Variants in COX4I2 observed in about 807,000 individuals in gnomAD.
The protein encoded by COX4I2 is cytochrome c oxidase subunit 4I2.
Under a neutral mutation model 20.8 loss-of-function variants are expected in COX4I2, and 15 were observed. The observed-to-expected ratio is 0.72, with a 90% confidence interval of 0.48 to 1.11. COX4I2 has a LOEUF of 1.11. Ranked by LOEUF, COX4I2 falls within the 50% of genes most tolerant of loss-of-function variation. COX4I2 has a pLI of 0.00. For missense variants in COX4I2, 224 were observed against 223.0 expected, an observed-to-expected ratio of 1.00 and a Z score of -0.03; for synonymous variants, 80 against 78.1, an observed-to-expected ratio of 1.02 and a Z score of -0.13.
At chr20:31,644,020 A>G (rs1407311655) in intron 4 of COX4I2, among the ~76,000 whole-genome samples, 2 of 152,178 alleles carry the variant, frequency 1.3e-5, no homozygotes, top group African/African-American at 4.8e-5. Context: ...CATGTTGGCC[A>G]GGCTGGTCTC....
At chr20:31,644,301 G>A (rs1325537203) in intron 4 of COX4I2, among the ~76,000 whole-genome samples, 2 of 152,134 alleles carry the variant, frequency 1.3e-5, no homozygotes, top group Non-Finnish European at 2.9e-5. Flanking sequence ...AACAGCTTTG[G>A]AAATACTCAG....
In COX4I2 at chr20:31,644,995, T is replaced by C; in HGVS notation, c.*91T>C. The C allele has an allele frequency of 6.8e-7, 1 of 1,468,026 alleles. No individual in the cohort carries two copies. Among genetic ancestry groups the C allele is most frequent in the South Asian group, 1.2e-5 (1 of 82,038 alleles). The allele number at this position is 1,468,026 out of a possible 1,614,324, so 90.9% of individuals were successfully genotyped here. A position where few individuals can be genotyped will look rare whatever the true frequency, so the allele number is the denominator to read the frequency against. ...CCCCTGCCCTTAACCCCAGTAAAGC[T>C]CCAAAAAAAAATTTATTCTCTTCTG... On this transcript the variant is annotated 3_prime_UTR_variant, in exon 5 of 5. Transcript: ENST00000376075.
chr20:31,638,793 A>C (rs976582885), intron 1 of COX4I2, among the ~76,000 whole-genome samples: 2 of 152,082 alleles, frequency 1.3e-5, no homozygotes, highest in African/African-American at 4.8e-5. Flanking sequence ...CAGATGGTGA[A>C]TTGAGGTCCC....
chr20:31,637,951 C>G lies in COX4I2; in HGVS notation c.-12C>G, dbSNP rs1040809834. 1.3e-5 allele frequency: 2 copies of G among 152,170 alleles called. No homozygotes were observed. Among genetic ancestry groups the G allele is most frequent in the East Asian group, 3.9e-4 (2 of 5,174 alleles). 9.4% of individuals were successfully genotyped at this position (152,170 alleles called of 1,614,324 possible). ...CAGACCCAGGTCGCGCTCCCACTGC[C>G]GAGCCCGCGAGGTGAGTGAGTTGGG... On this transcript the variant is annotated 5_prime_UTR_variant, in exon 1 of 5. Coordinates refer to ENST00000376075, the MANE Select transcript of COX4I2 (RefSeq NM_032609.3).
In COX4I2 at chr20:31,644,843, T is replaced by A. The variant is rs753093267; in HGVS notation, c.455T>A (p.Val152Glu). 2.0e-5 allele frequency: 32 copies of A among 1,613,820 alleles called. No homozygotes were observed. In the East Asian group the frequency reaches 6.5e-4, roughly 33 times the overall value. ...QQLQRMLDMK[V>E]NPVQGLASRW... is the part of the protein sequence containing the mutation. ...CTGCAGCGCATGCTGGACATGAAGGTGAATCCTGTGCAGGGCCTGGCCTCC... is the reference window on the plus strand; with the variant it reads ...CTGCAGCGCATGCTGGACATGAAGGAGAATCCTGTGCAGGGCCTGGCCTCC... Residue 152 changes from valine to glutamate, a missense_variant, in exon 5 of 5, where the codon GTG (valine) becomes GAG (glutamate). By Grantham distance (121) the Val-to-Glu change is moderately radical. Coordinates refer to ENST00000376075, the MANE Select transcript of COX4I2 (RefSeq NM_032609.3).
Position 31,644,782 on chromosome 20 carries a change from C to T in COX4I2, c.394C>T (p.Pro132Ser). 6.2e-7 allele frequency: 1 copy of T among 1,614,082 alleles called. No homozygotes were observed. The highest frequency in any genetic ancestry group is 8.5e-7 in the Non-Finnish European group (1 of 1,179,998). The change falls in exon 5 of 5, where the codon CCG (proline) becomes TCG (serine). Residue 132 changes from proline (P) to serine (S), a missense_variant. By Grantham distance (74) the Pro-to-Ser change is moderately conservative. Transcript: ENST00000376075. The stretch of plus-strand genomic sequence containing the variant: ...ACTCCCTGCAGTATTTCCTCCAAAG[C>T]CGATCACCTTGACGGACGAGCGGAA... The part of the protein sequence containing the change: ...WQRVYVFPPK[P>S]ITLTDERKAQ...
chr20:31,644,020 A>T (rs1407311655), intron 4 of COX4I2, among the ~76,000 whole-genome samples: 1 of 152,178 alleles, frequency 6.6e-6, no homozygotes, highest in East Asian at 1.9e-4. Flanking sequence ...CATGTTGGCC[A>T]GGCTGGTCTC....
At chr20:31,643,572 C>T (rs1324269524) in intron 4 of COX4I2, 37 bp downstream of exon 4, 1 of 1,613,160 alleles carries the variant, frequency 6.2e-7, no homozygotes, top group South Asian at 1.1e-5. Flanking sequence ...CAGTCCTGGG[C>T]CATGCCCTTG....
In COX4I2 at chr20:31,640,049, AAGG is replaced by A; in HGVS notation, c.202_204del (p.Glu68del). On this transcript the variant is annotated inframe_deletion, in exon 3 of 5. Transcript: ENST00000376075. ...CGCTGAGGAGCAGGCCCTGAAGGAG[AAGG>A]AGAAGGGAAGCTGGACCCAGCTGAC... 3 of 1,613,602 alleles carry A rather than the reference AAGG, an allele frequency of 1.9e-6. No individual in the cohort carries two copies. The highest frequency in any genetic ancestry group is 1.7e-5 in the Admixed American group (1 of 59,974).
intron 1 of COX4I2, among the ~76,000 whole-genome samples, chr20:31,638,378 C>T (rs1248987208): frequency 1.3e-5 from 2 of 151,578 alleles, no homozygotes. Context: ...CCAGTTAAGT[C>T]CCCATCCTCT....
intron 3 of COX4I2, among the ~76,000 whole-genome samples, chr20:31,642,211 T>C (rs1264480242): frequency 1.3e-5 from 2 of 151,864 alleles, no homozygotes; most frequent in South Asian, 2.1e-4. Context: ...AGCACTGGAG[T>C]GCATGGCCTG....
intron 4 of COX4I2, among the ~76,000 whole-genome samples, chr20:31,643,794 G>C (rs1213548210): frequency 2.0e-5 from 3 of 152,204 alleles, no homozygotes; most frequent in African/African-American, 7.2e-5. Context: ...TTTAATGAGA[G>C]AGGGCTGTAG....
chr20:31,642,305 G>GT (rs1239474399), intron 3 of COX4I2, among the ~76,000 whole-genome samples: 2 of 152,042 alleles, frequency 1.3e-5, no homozygotes, highest in African/African-American at 4.8e-5. Flanking sequence ...GCCCACCCAA[G>GT]TATCTTCCCA....
At chr20:31,644,601 CG>C (rs1568834581) in intron 4 of COX4I2, among the ~76,000 whole-genome samples, 166 bp from the exon 5 acceptor site, 1 of 152,076 alleles carries the variant, frequency 6.6e-6, no homozygotes, top group African/African-American at 2.4e-5. Flanking sequence ...GTCTGGGGTG[CG>C]GGGCTAGACA....
At chr20:31,642,170 T>G (rs1198748838) in intron 3 of COX4I2, among the ~76,000 whole-genome samples, 5 of 152,020 alleles carry the variant, frequency 3.3e-5, no homozygotes, top group African/African-American at 1.2e-4. Context: ...TTGAGTCTTG[T>G]CAGACCTCTT....
At chr20:31,641,569 G>A (rs2122329932) in intron 3 of COX4I2, among the ~76,000 whole-genome samples, 1 of 152,312 alleles carries the variant, frequency 6.6e-6, no homozygotes, top group African/African-American at 2.4e-5. Context: ...GCTAGAGAGT[G>A]GTGGAGGCAA....
intron 3 of COX4I2, among the ~76,000 whole-genome samples, chr20:31,642,856 A>G (rs1204672326): frequency 6.6e-6 from 1 of 152,198 alleles, no homozygotes; most frequent in East Asian, 1.9e-4. Context: ...TTCTAGGATT[A>G]CAGGCATGAG....
At chr20:31,639,168 C>A in intron 2 of COX4I2, 69 bp downstream of exon 2, 1 of 1,550,908 alleles carries the variant, frequency 6.4e-7, no homozygotes. Context: ...CTGCAGGCTG[C>A]CCCCTTTGCC....
intron 3 of COX4I2, among the ~76,000 whole-genome samples, chr20:31,642,376 A>T (rs1600720887): frequency 6.6e-6 from 1 of 150,598 alleles, no homozygotes; most frequent in East Asian, 1.9e-4. Context: ...TTTCCTTTAG[A>T]TATTTATTTT....
Sources: gnomAD v4.1 joint callset for allele counts (sites outside exome capture counted in the v4.1 genomes callset) on GRCh38, gnomAD v4.1.1 for gene constraint, MANE v1.5 for transcripts, NCBI Gene and HGNC (gene_info 2026-07-23, HGNC 2026-07-21) for gene names.